Variants in KIAA1755 observed in about 807,000 individuals in gnomAD.
The protein encoded by KIAA1755 is KIAA1755, also known as uncharacterized protein KIAA1755.
In KIAA1755, 68 loss-of-function variants were observed where a neutral mutation model predicts 91.7. That is an observed-to-expected ratio of 0.74 (90% CI 0.61 to 0.91). KIAA1755 has a LOEUF of 0.91. Among genes scored for constraint, KIAA1755 ranks in the 40% least tolerant of loss-of-function variants. The pLI is 0.00. For missense variants in KIAA1755, 1,535 were observed against 1,494.4 expected, an observed-to-expected ratio of 1.03 and a Z score of -0.45; for synonymous variants, 610 against 604.6, an observed-to-expected ratio of 1.01 and a Z score of -0.13.
chr20:38,213,275 C>G lies in KIAA1755; in HGVS notation c.3370G>C (p.Gly1124Arg). The change falls in exon 14 of 14, where the codon GGC becomes CGC. Residue 1124 changes from glycine (G) to arginine (R), a missense_variant. Transcript: ENST00000279024. ...TGGCCAGCTTCCTGGGGTGGAGAGC[C>G]TGCCTGGAAAGTTCTGTTCTGTTCC... is the stretch of plus-strand genomic sequence containing the variant. ...RGEQNRTFQA[G>R]SPPQEAGQAA... is the part of the protein sequence containing the mutation. The G allele has an allele frequency of 6.2e-7, 1 of 1,613,734 alleles. No individual in the cohort carries two copies. Among genetic ancestry groups the G allele is most frequent in the Non-Finnish European group, 8.5e-7 (1 of 1,179,958 alleles).
chr20:38,214,497 CCAG>C (rs1424691810), intron 13 of KIAA1755, among the ~76,000 whole-genome samples: 1 of 152,200 alleles, frequency 6.6e-6, no homozygotes, highest in Non-Finnish European at 1.5e-5. Flanking sequence ...CTGAACTGCA[CCAG>C]CAGCCCATTT....
rs2076070359 is a variant in KIAA1755, at chr20:38,241,694, G to A, written c.437C>T (p.Thr146Ile). Residue 146 changes from threonine to isoleucine, a missense_variant, in exon 3 of 14, where the codon ACC becomes ATC. Physicochemically the swap from Thr to Ile is moderately conservative, Grantham distance 89. Coordinates refer to ENST00000279024, the MANE Select transcript of KIAA1755 (RefSeq NM_001029864.2). ...GTTGATGGCCTCCAGCCATTCTTGG[G>A]TGAAAAGTATAGGGTAGGCTGGCTC... The part of the protein sequence containing the change: ...VPEPAYPILF[T>I]QEWLEAINSD... 6.2e-7 allele frequency: 1 copy of A among 1,614,116 alleles called. No individual in the cohort carries two copies. The highest frequency in any genetic ancestry group is 1.3e-5 in the African/African-American group (1 of 74,932).
At chr20:38,260,473 G>C (rs755049987) in intron 1 of KIAA1755, 25 bp downstream of exon 1, 13 of 1,508,372 alleles carry the variant, frequency 8.6e-6, no homozygotes, top group African/African-American at 5.6e-5. Context: ...GGCAGAGCGA[G>C]GTGGTCCAGG....
At chr20:38,225,520 T>C (rs1600586944) in intron 8 of KIAA1755, 145 bp downstream of exon 8, 1 of 677,660 alleles carries the variant, frequency 1.5e-6, no homozygotes, top group East Asian at 2.7e-5. Context: ...TCTTAATCAT[T>C]TGACTCTGTA....
rs2075743916 is a variant in KIAA1755 at position 38,225,698 on chromosome 20, G to C, written c.2136C>G (p.Pro712=). The C allele has an allele frequency of 6.2e-7, 1 of 1,613,344 alleles. No homozygotes were observed. Among genetic ancestry groups the C allele is most frequent in the Non-Finnish European group, 8.5e-7 (1 of 1,179,530 alleles). Residue 712 remains proline, a synonymous_variant, in exon 8 of 14, where the codon CCC becomes CCG. Coordinates refer to ENST00000279024, the MANE Select transcript of KIAA1755 (RefSeq NM_001029864.2). The stretch of plus-strand genomic sequence containing the variant: ...AATGAACCCACTCGGTGTGGCAGTA[G>C]GGGAAGGGGCCTTCCAGGACTGCGG... ...QLPAVLEGPF[P]YCHTEWVHFF...
intron 4 of KIAA1755, among the ~76,000 whole-genome samples, chr20:38,231,718 G>A (rs1476169732): frequency 6.6e-6 from 1 of 152,198 alleles, no homozygotes; most frequent in African/African-American, 2.4e-5. Context: ...ATAATATGCT[G>A]AGCTTATTAG....
chr20:38,259,851 CACAT>C (rs1255000393), intron 1 of KIAA1755, among the ~76,000 whole-genome samples: 3 of 150,858 alleles, frequency 2.0e-5, no homozygotes, highest in Admixed American at 6.6e-5. Flanking sequence ...CACACACACA[CACAT>C]TCTCCCAGAA....
intron 10 of KIAA1755, among the ~76,000 whole-genome samples, chr20:38,221,771 T>G (rs1239498636): frequency 6.6e-6 from 1 of 152,238 alleles, no homozygotes; most frequent in Non-Finnish European, 1.5e-5. Flanking sequence ...TGAATATAAG[T>G]AGCTGTGTTC....
chr20:38,246,259 T>C, intron 1 of KIAA1755, 133 bp from the exon 2 acceptor site: 1 of 695,646 alleles, frequency 1.4e-6, no homozygotes, highest in Non-Finnish European at 2.4e-6. Flanking sequence ...CCCACCCCCC[T>C]CACTCATCAC....
chr20:38,246,650 T>C (rs1372164736), intron 1 of KIAA1755, among the ~76,000 whole-genome samples: 1 of 152,064 alleles, frequency 6.6e-6, no homozygotes, highest in South Asian at 2.1e-4. Context: ...CCACTGAGCT[T>C]TGGGGTCATT....
chr20:38,253,443 CTATG>C (rs1281969888), intron 1 of KIAA1755, among the ~76,000 whole-genome samples: 1 of 152,116 alleles, frequency 6.6e-6, no homozygotes, highest in African/African-American at 2.4e-5. Context: ...GCCTTTTTAC[CTATG>C]TATGAACCCT....
chr20:38,247,869 G>A (rs529767976), intron 1 of KIAA1755, among the ~76,000 whole-genome samples: 96 of 152,242 alleles, frequency 6.3e-4, no homozygotes, highest in Non-Finnish European at 1.1e-3. Flanking sequence ...TGGGAGGATC[G>A]CCTGAGGCTA....
At chr20:38,244,693 C>T (rs577709597) in intron 2 of KIAA1755, among the ~76,000 whole-genome samples, 32 of 151,284 alleles carry the variant, frequency 2.1e-4, no homozygotes, top group Non-Finnish European at 4.4e-5. Flanking sequence ...TTCTCTCATC[C>T]TTTTCTGTTT....
intron 13 of KIAA1755, among the ~76,000 whole-genome samples, chr20:38,213,945 C>A (rs1001606598): frequency 6.8e-6 from 1 of 147,088 alleles, no homozygotes; most frequent in Admixed American, 7.0e-5. Flanking sequence ...CCCTTAGAAT[C>A]ATCAGACACC....
chr20:38,214,902 G>T (rs2075518454), intron 13 of KIAA1755, among the ~76,000 whole-genome samples: 1 of 152,266 alleles, frequency 6.6e-6, no homozygotes, highest in Non-Finnish European at 1.5e-5. Flanking sequence ...TCTCCGAAGA[G>T]ACCATCTTTC....
chr20:38,252,475 G>A (rs1318127020), intron 1 of KIAA1755, among the ~76,000 whole-genome samples: 2 of 152,134 alleles, frequency 1.3e-5, no homozygotes, highest in African/African-American at 4.8e-5. Context: ...TCAAGAAACC[G>A]AGGCTGATCT....
Position 38,217,341 on chromosome 20 carries a change from T to C in KIAA1755, c.2813A>G (p.Gln938Arg), listed in dbSNP as rs1394057374. Reference sequence around the variant, plus strand: ...CATGTAAAAGTGGGTCAGCTCAGCCTGGAAGGCCCGCTGGGTAGAGGCAAA... The same window carrying C: ...CATGTAAAAGTGGGTCAGCTCAGCCCGGAAGGCCCGCTGGGTAGAGGCAAA... ...AAFASTQRAF[Q>R]AELTHFYMAA... Residue 938 changes from glutamine (Q) to arginine (R), a missense_variant, in exon 13 of 14, where the codon CAG (glutamine) becomes CGG (arginine). By Grantham distance (43) the Gln-to-Arg change is conservative. Transcript: ENST00000279024. 12 of 1,612,570 alleles carry C rather than the reference T, an allele frequency of 7.4e-6. 1 individual carries two copies. The highest frequency in any genetic ancestry group is 1.7e-5 in the Admixed American group (1 of 59,814).
At chr20:38,239,318 C>CA (rs1290323189) in intron 4 of KIAA1755, among the ~76,000 whole-genome samples, 18 of 152,372 alleles carry the variant, frequency 1.2e-4, no homozygotes, top group African/African-American at 4.3e-4. Flanking sequence ...GATGGACAGA[C>CA]AGATAGATGG....
intron 1 of KIAA1755, among the ~76,000 whole-genome samples, chr20:38,249,942 G>A (rs1427401572): frequency 2.6e-5 from 4 of 152,222 alleles, no homozygotes; most frequent in Middle Eastern, 3.4e-3. Flanking sequence ...CTGTTGAGAC[G>A]TTGGCTCCAG....
Sources: allele counts gnomAD v4.1 joint callset (sites outside exome capture counted in the v4.1 genomes callset), GRCh38; gene constraint gnomAD v4.1.1; transcripts MANE v1.5; gene names NCBI Gene and HGNC (gene_info 2026-07-23, HGNC 2026-07-21).